The following KCNQ5 variants were observed in gnomAD, a reference collection of about 807,000 sequenced individuals.
The protein encoded by KCNQ5 is potassium voltage-gated channel subfamily KQT member 5.
A neutral mutation model predicts 98.2 loss-of-function variants in KCNQ5; 30 were observed. That is an observed-to-expected ratio of 0.31 (90% CI 0.23 to 0.41). KCNQ5 has a LOEUF of 0.41. Ranked by LOEUF, KCNQ5 falls within the 10% of genes least tolerant of loss-of-function variation. KCNQ5 has a pLI of 1.00. For synonymous variants in KCNQ5, 458 were observed against 449.4 expected, an observed-to-expected ratio of 1.02 and a Z score of -0.24; for missense variants, 835 against 1,182.5, an observed-to-expected ratio of 0.71 and a Z score of 4.31.
chr6:72,871,725 T>C (rs1255809001), intron 1 of KCNQ5, among the ~76,000 whole-genome samples: 1 of 152,156 alleles, frequency 6.6e-6, no homozygotes. Flanking sequence ...TCAAAGAAAC[T>C]GCCCCAGGTT....
intron 1 of KCNQ5, 28 bp from the exon 2 acceptor site, chr6:73,003,880 T>C: frequency 6.9e-7 from 1 of 1,447,164 alleles, no homozygotes; most frequent in Non-Finnish European, 9.7e-7. Flanking sequence ...AAGGTTCTTA[T>C]CAGATTTCTC....
chr6:72,782,813 G>T (rs76740054), intron 1 of KCNQ5, among the ~76,000 whole-genome samples: 131 of 152,068 alleles, frequency 8.6e-4, no homozygotes, highest in African/African-American at 3.0e-3. Flanking sequence ...GTCTAGACTC[G>T]TAGGCTCTTA....
intron 1 of KCNQ5, among the ~76,000 whole-genome samples, chr6:72,988,705 G>T (rs1768949592): frequency 1.6e-5 from 2 of 121,330 alleles, no homozygotes; most frequent in Non-Finnish European, 3.3e-5. Flanking sequence ...TGCACATTGT[G>T]CAGGTTAGTT....
rs1459077713 is a variant in KCNQ5 at position 73,025,650 on chromosome 6, AAAAAAAAAAT to A, written c.490-16285_490-16276del. On this transcript the variant is annotated intron_variant, in intron 2 of 13. Coordinates refer to ENST00000370398, the MANE Select transcript of KCNQ5 (RefSeq NM_019842.4). ...AAAAAAAAAAAAAAAAAAAAAAAAA[AAAAAAAAAAT>A]TCAAGTGTTCCGAATTCCCATTTAA... 1.4e-3 allele frequency among the ~76,000 whole-genome samples: 32 copies of A among 23,394 alleles called. 2 individuals are homozygous for A. The South Asian group carries it at 0.1, about 74-fold the overall frequency. The allele number at this position is 23,394 out of a possible 152,430, so 15.3% of individuals were successfully genotyped here.
At chr6:73,159,900 C>T (rs2150492260) in intron 10 of KCNQ5, among the ~76,000 whole-genome samples, 1 of 152,296 alleles carries the variant, frequency 6.6e-6, no homozygotes, top group Middle Eastern at 3.4e-3. Flanking sequence ...ATCAAAGCTG[C>T]CAGCTCTCTC....
intron 1 of KCNQ5, among the ~76,000 whole-genome samples, chr6:72,780,909 G>A (rs1315339209): frequency 1.3e-5 from 2 of 152,036 alleles, no homozygotes; most frequent in South Asian, 2.1e-4. Context: ...AAGAAAGAAT[G>A]AGCCCCAGGT....
chr6:72,890,288 G>A (rs978128863), intron 1 of KCNQ5, among the ~76,000 whole-genome samples: 2 of 149,840 alleles, frequency 1.3e-5, no homozygotes, highest in African/African-American at 2.4e-5. Context: ...TTTGCTTTGT[G>A]ATAAGAGCAA....
chr6:72,743,136 C>T (rs1771214065), intron 1 of KCNQ5, among the ~76,000 whole-genome samples: 1 of 152,102 alleles, frequency 6.6e-6, no homozygotes, highest in South Asian at 2.1e-4. Context: ...AGCTAAAATG[C>T]ACTCTTGACT....
chr6:72,791,474 T>C (rs1338942406), intron 1 of KCNQ5, among the ~76,000 whole-genome samples: 1 of 152,164 alleles, frequency 6.6e-6, no homozygotes, highest in Non-Finnish European at 1.5e-5. Context: ...ATTAAAAATA[T>C]TGACTTCCAG....
At chr6:72,771,954 T>C (rs1452342500) in intron 1 of KCNQ5, among the ~76,000 whole-genome samples, 1 of 152,128 alleles carries the variant, frequency 6.6e-6, no homozygotes, top group Non-Finnish European at 1.5e-5. Flanking sequence ...AGCATGCTTT[T>C]GTTTATTTCT....
chr6:73,192,534 C>G (rs754684554), intron 12 of KCNQ5, 31 bp from the exon 13 acceptor site: 3 of 1,582,452 alleles, frequency 1.9e-6, no homozygotes, highest in African/African-American at 2.7e-5. Context: ...ACCTTCAGCC[C>G]TCATAATCAG....
chr6:73,142,491 T>C (rs1041858355), intron 10 of KCNQ5, among the ~76,000 whole-genome samples: 1 of 148,484 alleles, frequency 6.7e-6, no homozygotes, highest in African/African-American at 2.5e-5. Context: ...TCCTTTGTAT[T>C]ATATCTCAAA....
At chr6:72,742,187 C>T (rs1316778217) in intron 1 of KCNQ5, among the ~76,000 whole-genome samples, 1 of 152,176 alleles carries the variant, frequency 6.6e-6, no homozygotes, top group African/African-American at 2.4e-5. Context: ...AGTGGACTCA[C>T]AGTGGAGCCC....
intron 7 of KCNQ5, among the ~76,000 whole-genome samples, chr6:73,118,459 A>G (rs1775598010): frequency 6.6e-6 from 1 of 152,190 alleles, no homozygotes; most frequent in African/African-American, 2.4e-5. Flanking sequence ...AAACCAACAT[A>G]TAGTACATAT....
intron 1 of KCNQ5, among the ~76,000 whole-genome samples, chr6:72,975,022 C>A (rs1021765172): frequency 3.9e-5 from 6 of 152,154 alleles, no homozygotes; most frequent in Admixed American, 3.3e-4. Context: ...CAGGCGTGAA[C>A]CACCACTCCC....
chr6:72,896,964 GT>G (rs887953184), intron 1 of KCNQ5, among the ~76,000 whole-genome samples: 1 of 151,874 alleles, frequency 6.6e-6, no homozygotes, highest in African/African-American at 2.4e-5. Flanking sequence ...TGGTTGGTTG[GT>G]TTTTTGTTTT....
Position 72,736,660 on chromosome 6 carries a change from C to T in KCNQ5, c.398+114073C>T, listed in dbSNP as rs553134817. 7.6e-3 allele frequency among the ~76,000 whole-genome samples: 1,131 copies of T among 149,180 alleles called. 6 individuals carry two copies. The highest frequency in any genetic ancestry group is 0.012 in the Non-Finnish European group (807 of 67,636). On this transcript the variant is annotated intron_variant, in intron 1 of 13. Transcript: ENST00000370398. ...GACTACAGGCGCCCGCCACCACGCC[C>T]GGCTAATTTTTTGTATTTTTAGTAG...
At chr6:72,828,768 A>G (rs1296811250) in intron 1 of KCNQ5, among the ~76,000 whole-genome samples, 2 of 151,936 alleles carry the variant, frequency 1.3e-5, no homozygotes, top group South Asian at 4.2e-4. Context: ...ATGCCTCTTT[A>G]TTTTGTTTGG....
chr6:72,815,636 C>T (rs1775471235), intron 1 of KCNQ5, among the ~76,000 whole-genome samples: 1 of 152,132 alleles, frequency 6.6e-6, no homozygotes, highest in Admixed American at 6.6e-5. Flanking sequence ...CGAGGAAAAC[C>T]TTGTATCAGA....
Sources: gnomAD v4.1 joint callset for allele counts (sites outside exome capture counted in the v4.1 genomes callset) on GRCh38, gnomAD v4.1.1 for gene constraint, MANE v1.5 for transcripts, NCBI Gene and HGNC (gene_info 2026-07-23, HGNC 2026-07-21) for gene names.